Variants in SCAMP1 observed in about 807,000 individuals in gnomAD.
SCAMP1 encodes the protein secretory carrier-associated membrane protein 1.
SCAMP1 carries 15 observed loss-of-function variants against 41.8 expected under a neutral mutation model. That is an observed-to-expected ratio of 0.36 (90% CI 0.24 to 0.55). SCAMP1 has a LOEUF of 0.55. SCAMP1 is among the 20% of genes least tolerant of loss of function. SCAMP1 has a pLI of 0.86. For missense variants in SCAMP1, 341 were observed against 412.6 expected, an observed-to-expected ratio of 0.83 and a Z score of 1.50; for synonymous variants, 135 against 136.8, an observed-to-expected ratio of 0.99 and a Z score of 0.09.
chr5:78,448,391 A>G (rs1753124207), intron 6 of SCAMP1, among the ~76,000 whole-genome samples: 1 of 151,486 alleles, frequency 6.6e-6, no homozygotes. Flanking sequence ...AATCTTTGTC[A>G]AGGATATATC....
In SCAMP1 at chr5:78,388,912, A is replaced by G. The variant is rs767605406; in HGVS notation, c.133A>G (p.Thr45Ala). 3 of 1,441,838 alleles carry G rather than the reference A, an allele frequency of 2.1e-6. No individual in the cohort carries two copies. The East Asian group carries it at 6.9e-5, about 33-fold the overall frequency. The allele number at this position is 1,441,838 out of a possible 1,614,324, so 89.3% of individuals were successfully genotyped here. ...ATATAATCCATTCTCGGATTCTAGA[A>G]CAGTAAGATTATTCTTGCTTTTAAA... ...DEYNPFSDSRTPPPGGVKMPN... is the reference protein window; with the variant it reads ...DEYNPFSDSRAPPPGGVKMPN... The change falls in exon 2 of 9, where the codon ACA (threonine) becomes GCA (alanine). Residue 45 changes from threonine to alanine, a missense_variant and splice_region_variant. Physicochemically the swap from Thr to Ala is moderately conservative, Grantham distance 58 (BLOSUM62 0). Coordinates refer to ENST00000621999, the MANE Select transcript of SCAMP1 (RefSeq NM_004866.6).
At position 78,368,941 on chromosome 5, in the gene SCAMP1, T is replaced by C. The variant is rs534371250; in HGVS notation, c.57+8213T>C. 3.0e-3 allele frequency among the ~76,000 whole-genome samples: 456 copies of C among 151,986 alleles called. 5 individuals carry two copies. The highest frequency in any genetic ancestry group is 0.011 in the African/African-American group (439 of 41,450). On this transcript the variant is annotated intron_variant, in intron 1 of 8. Coordinates refer to ENST00000621999, the MANE Select transcript of SCAMP1 (RefSeq NM_004866.6). ...AAAATCTGCTACCATGGCCTGACAA[T>C]GCTCTTTTGGTAGGGCATTCTCCAG...
At chr5:78,412,271 C>G (rs552867625) in intron 2 of SCAMP1, among the ~76,000 whole-genome samples, 2 of 151,884 alleles carry the variant, frequency 1.3e-5, no homozygotes, top group Admixed American at 1.3e-4. Flanking sequence ...TTTCTTTCCC[C>G]TCATCTTTTC....
chr5:78,403,539 A>T (rs1261741322), intron 2 of SCAMP1, among the ~76,000 whole-genome samples: 1 of 152,132 alleles, frequency 6.6e-6, no homozygotes, highest in African/African-American at 2.4e-5. Context: ...TCATGCATGT[A>T]ATCAGCTTTG....
chr5:78,450,977 A>G (rs1422040093), intron 7 of SCAMP1, among the ~76,000 whole-genome samples: 2 of 152,208 alleles, frequency 1.3e-5, no homozygotes, highest in African/African-American at 2.4e-5. Flanking sequence ...ATTATTTTAA[A>G]TAGTGTCTAG....
chr5:78,428,791 C>G (rs1752528382), intron 6 of SCAMP1, among the ~76,000 whole-genome samples: 1 of 152,020 alleles, frequency 6.6e-6, no homozygotes, highest in African/African-American at 2.4e-5. Context: ...TTCTCTCAGC[C>G]ATGTTCTTCA....
At chr5:78,411,334 T>C (rs764789211) in intron 2 of SCAMP1, among the ~76,000 whole-genome samples, 1 of 152,188 alleles carries the variant, frequency 6.6e-6, no homozygotes, top group African/African-American at 2.4e-5. Flanking sequence ...CCTTAGTTTT[T>C]CTGCCCATTA....
At chr5:78,464,037 G>A (rs1000809825) in intron 8 of SCAMP1, among the ~76,000 whole-genome samples, 1 of 152,174 alleles carries the variant, frequency 6.6e-6, no homozygotes, top group Non-Finnish European at 1.5e-5. Context: ...GAGTGCAGTG[G>A]CGCGATCTTG....
At chr5:78,446,215 C>A (rs188933279) in intron 6 of SCAMP1, among the ~76,000 whole-genome samples, 116 of 152,280 alleles carry the variant, frequency 7.6e-4, no homozygotes, top group Non-Finnish European at 1.1e-3. Flanking sequence ...AACATACCTC[C>A]ATTTGTATTT....
At chr5:78,365,768 A>C (rs1750780084) in intron 1 of SCAMP1, among the ~76,000 whole-genome samples, 1 of 152,192 alleles carries the variant, frequency 6.6e-6, no homozygotes, top group African/African-American at 2.4e-5. Context: ...TTGGCCTCAA[A>C]AATTAATTTT....
At chr5:78,458,493 A>T (rs774497439) in intron 7 of SCAMP1, among the ~76,000 whole-genome samples, 21 of 152,010 alleles carry the variant, frequency 1.4e-4, no homozygotes, top group Non-Finnish European at 2.5e-4. Context: ...TTGAGCTTTG[A>T]AAGTTATGTA....
chr5:78,458,149 G>A (rs979783646), intron 7 of SCAMP1, among the ~76,000 whole-genome samples: 6 of 152,108 alleles, frequency 3.9e-5, no homozygotes, highest in South Asian at 2.1e-4. Context: ...CGTCTTCTGC[G>A]TCGCTCTCGC....
rs1171905162 is a variant in SCAMP1 at position 78,478,665 on chromosome 5, C to G, written c.*2997C>G. Reference sequence around the variant, plus strand: ...GTATTTATTCAATTGAACTTGTATTCTGATTTCTATCCTTGCTACCTATTG... The same window carrying G: ...GTATTTATTCAATTGAACTTGTATTGTGATTTCTATCCTTGCTACCTATTG... On this transcript the variant is annotated 3_prime_UTR_variant, in exon 9 of 9. Coordinates refer to ENST00000621999, the MANE Select transcript of SCAMP1 (RefSeq NM_004866.6). 6.6e-6 allele frequency: 1 copy of G among 152,074 alleles called. No homozygotes were observed. The highest frequency in any genetic ancestry group is 1.5e-5 in the Non-Finnish European group (1 of 67,952). The allele number at this position is 152,074 out of a possible 1,614,324, so 9.4% of individuals were successfully genotyped here. A position where few individuals can be genotyped will look rare whatever the true frequency, so the allele number is the denominator to read the frequency against.
intron 7 of SCAMP1, among the ~76,000 whole-genome samples, chr5:78,456,550 A>G (rs1201614061): frequency 6.6e-6 from 1 of 151,126 alleles, no homozygotes; most frequent in East Asian, 2.0e-4. Context: ...CTGCCGACAG[A>G]TCTGCTGTTA....
chr5:78,464,905 TCA>T (rs1753706910), intron 8 of SCAMP1, among the ~76,000 whole-genome samples: 1 of 152,214 alleles, frequency 6.6e-6, no homozygotes, highest in African/African-American at 2.4e-5. Context: ...GCTCCATGAT[TCA>T]CACTTTCTAT....
chr5:78,417,839 T>C (rs1752246687), intron 4 of SCAMP1, among the ~76,000 whole-genome samples: 1 of 152,180 alleles, frequency 6.6e-6, no homozygotes, highest in South Asian at 2.1e-4. Context: ...GTATGATAAA[T>C]GGAACACAGG....
At chr5:78,417,749 CTCT>C (rs1561267713) in intron 4 of SCAMP1, among the ~76,000 whole-genome samples, 1 of 152,144 alleles carries the variant, frequency 6.6e-6, no homozygotes, top group African/African-American at 2.4e-5. Flanking sequence ...TCCAGAGCCT[CTCT>C]TCTTTACGAG....
intron 7 of SCAMP1, among the ~76,000 whole-genome samples, chr5:78,455,087 A>G (rs1269421599): frequency 6.6e-6 from 1 of 150,666 alleles, no homozygotes; most frequent in African/African-American, 2.4e-5. Context: ...TTTCTTTATT[A>G]GTCTTGCTAG....
intron 8 of SCAMP1, among the ~76,000 whole-genome samples, chr5:78,462,870 C>T (rs1375059380): frequency 6.6e-6 from 1 of 151,980 alleles, no homozygotes; most frequent in African/African-American, 2.4e-5. Flanking sequence ...GATATTGAGA[C>T]CTTGGGAATA....
Sources: allele counts gnomAD v4.1 joint callset (sites outside exome capture counted in the v4.1 genomes callset), GRCh38; gene constraint gnomAD v4.1.1; transcripts MANE v1.5; gene names NCBI Gene and HGNC (gene_info 2026-07-23, HGNC 2026-07-21).